RAB27A: variants seen among roughly 807,000 people sequenced by gnomAD.
RAB27A encodes the protein RAB27A, member RAS oncogene family.
Under a neutral mutation model 20.8 loss-of-function variants are expected in RAB27A, and 17 were observed. That is an observed-to-expected ratio of 0.82 (90% CI 0.56 to 1.23). RAB27A has a LOEUF of 1.23. Ranked by LOEUF, RAB27A falls within the 50% of genes most tolerant of loss-of-function variation. The pLI is 0.00. For synonymous variants in RAB27A, 85 were observed against 92.8 expected (o/e 0.92, Z 0.48); for missense variants, 277 against 266.7 (o/e 1.04, Z -0.27).
rs532287108 is a variant in RAB27A at position 55,301,328 on chromosome 15, A to G, written c.-112+12711T>C. The stretch of plus-strand genomic sequence containing the variant: ...AAAATGTCATTTAAAATGACAATTT[A>G]AAAAATAGATGGATTATAGACTACC... On this transcript the variant is annotated intron_variant, in intron 2 of 5. Transcript: ENST00000563262. 3.4e-4 allele frequency among the ~76,000 whole-genome samples: 52 copies of G among 152,312 alleles called. 1 individual carries two copies. The highest frequency in any genetic ancestry group is 1.3e-3 in the African/African-American group (52 of 41,584).
chr15:55,212,819 G>A (rs1265679814), intron 6 of RAB27A, among the ~76,000 whole-genome samples: 2 of 152,142 alleles, frequency 1.3e-5, no homozygotes, highest in African/African-American at 2.4e-5. Flanking sequence ...ATGAGCCACC[G>A]CACCCAGCCC....
At chr15:55,275,782 T>A (rs1038182562) in intron 1 of RAB27A, among the ~76,000 whole-genome samples, 38 of 152,016 alleles carry the variant, frequency 2.5e-4, no homozygotes, top group Middle Eastern at 6.8e-3. Flanking sequence ...AAGACCTGAA[T>A]AGACATTTTT....
At chr15:55,311,900 A>T (rs568796875) in intron 2 of RAB27A, among the ~76,000 whole-genome samples, 4 of 152,302 alleles carry the variant, frequency 2.6e-5, no homozygotes, top group Admixed American at 2.6e-4. Context: ...CCTTACTCCC[A>T]GAGCTCCCGA....
intron 2 of RAB27A, among the ~76,000 whole-genome samples, chr15:55,302,102 G>A (rs557702386): frequency 9.2e-5 from 14 of 151,730 alleles, no homozygotes; most frequent in East Asian, 2.0e-4. Flanking sequence ...GCTTGAACCC[G>A]GGAGGCAAAG....
chr15:55,280,174 T>G (rs746670186), intron 1 of RAB27A, among the ~76,000 whole-genome samples: 1 of 152,182 alleles, frequency 6.6e-6, no homozygotes, highest in Non-Finnish European at 1.5e-5. Context: ...AAACCAACAA[T>G]TTCCGAGGCT....
intron 2 of RAB27A, among the ~76,000 whole-genome samples, chr15:55,256,081 C>T (rs924537888): frequency 1.3e-5 from 2 of 152,016 alleles, no homozygotes; most frequent in Non-Finnish European, 1.5e-5. Context: ...CATGTAAGAT[C>T]GTTGTTTTAC....
chr15:55,273,078 T>C (rs1897753903), intron 1 of RAB27A, among the ~76,000 whole-genome samples: 1 of 152,134 alleles, frequency 6.6e-6, no homozygotes, highest in Admixed American at 6.5e-5. Flanking sequence ...CTATCGATAA[T>C]TACTTTAAAT....
chr15:55,292,367 A>G (rs1417601671), upstream of RAB27A, among the ~76,000 whole-genome samples: 1 of 152,250 alleles, frequency 6.6e-6, no homozygotes, highest in Non-Finnish European at 1.5e-5. Context: ...TAAGTGGCAC[A>G]GCCAGGCCTA....
chr15:55,287,835 T>C (rs1055057075), intron 1 of RAB27A, among the ~76,000 whole-genome samples: 1 of 151,886 alleles, frequency 6.6e-6, no homozygotes, highest in African/African-American at 2.4e-5. Flanking sequence ...GACTCACATA[T>C]CCTGATTTCA....
chr15:55,298,361 G>C (rs2054958588), intron 2 of RAB27A, among the ~76,000 whole-genome samples: 5 of 152,120 alleles, frequency 3.3e-5, no homozygotes, highest in African/African-American at 9.7e-5. Flanking sequence ...GCGACCGGGG[G>C]AGACATCACA....
chr15:55,209,882 G>GTATATACATATATACATATA lies in RAB27A; in HGVS notation c.468-4178_468-4177insTATATGTATATATGTATATA, dbSNP rs1404704383. ...TATATACATATATACATATATGTGTGTGTATACATATATACACATATGTGT... is the reference window on the plus strand; with the variant it reads ...TATATACATATATACATATATGTGTGTATATACATATATACATATATGTATACATATATACACATATGTGT... On this transcript the variant is annotated intron_variant, in intron 6 of 6. Transcript: ENST00000336787. Among the ~76,000 whole-genome samples, 25 of 86,148 alleles carry GTATATACATATATACATATA rather than the reference G, an allele frequency of 2.9e-4. 7 individuals carry two copies. The highest frequency in any genetic ancestry group is 1.9e-3 in the African/African-American group (25 of 13,330). 56.5% of individuals were successfully genotyped at this position (86,148 alleles called of 152,430 possible). A position where few individuals can be genotyped will look rare whatever the true frequency, so the allele number is the denominator to read the frequency against.
chr15:55,223,988 C>A lies in RAB27A; in HGVS notation c.368G>T (p.Cys123Phe). 1 of 1,594,450 alleles carries A rather than the reference C, an allele frequency of 6.3e-7. No individual in the cohort carries two copies. Among genetic ancestry groups the A allele is most frequent in the Non-Finnish European group, 8.6e-7 (1 of 1,162,264 alleles). Residue 123 changes from cysteine to phenylalanine, a missense_variant, in exon 6 of 7, where the codon TGT becomes TTT. Physicochemically the swap from Cys to Phe is radical, Grantham distance 205. Transcript: ENST00000336787. ...WISQLQMHAY[C>F]ENPDIVLCGN... ...ACACAGCACTATATCTGGGTTTTCA[C>A]AATATGCATGCATCTGTAGCTGGCC...
intron 2 of RAB27A, among the ~76,000 whole-genome samples, chr15:55,301,776 G>T (rs892092778): frequency 1.3e-5 from 2 of 151,010 alleles, no homozygotes; most frequent in Non-Finnish European, 2.9e-5. Context: ...GTCCTGAGTA[G>T]CTGGGACTAC....
intron 2 of RAB27A, among the ~76,000 whole-genome samples, chr15:55,268,444 T>C (rs1249160542): frequency 2.6e-5 from 4 of 152,308 alleles, no homozygotes; most frequent in African/African-American, 9.6e-5. Flanking sequence ...GAATATGAAG[T>C]CCTTCCACTC....
chr15:55,215,907 C>T (rs537082051), intron 6 of RAB27A, among the ~76,000 whole-genome samples: 2 of 138,684 alleles, frequency 1.4e-5, no homozygotes, highest in South Asian at 2.3e-4. Flanking sequence ...GATCGTGCTA[C>T]GGCACTCAAG....
intron 2 of RAB27A, among the ~76,000 whole-genome samples, chr15:55,240,296 T>C (rs1896429852): frequency 6.6e-6 from 1 of 152,088 alleles, no homozygotes; most frequent in Non-Finnish European, 1.5e-5. Context: ...CAAACAACGT[T>C]GTATGCTCAC....
rs370212915 is a variant in RAB27A at position 55,251,105 on chromosome 15, C to G, written c.-22-16149G>C. Among the ~76,000 whole-genome samples, 8 of 152,342 alleles carry G rather than the reference C, an allele frequency of 5.3e-5. No individual in the cohort carries two copies. In the East Asian group the frequency reaches 1.5e-3, roughly 29 times the overall value. ...TTGGCTTTGTCCCTAAACACTTCCT[C>G]TCTGCCTAACCACTTCAGTTGACAG... On this transcript the variant is annotated intron_variant, in intron 2 of 6. Coordinates refer to ENST00000336787, the MANE Select transcript of RAB27A (RefSeq NM_183235.3).
At chr15:55,307,409 T>C (rs1250879569) in intron 2 of RAB27A, among the ~76,000 whole-genome samples, 2 of 152,032 alleles carry the variant, frequency 1.3e-5, no homozygotes, top group African/African-American at 2.4e-5. Flanking sequence ...GTGGGTTTCC[T>C]GGGTTAGCTT....
intron 1 of RAB27A, among the ~76,000 whole-genome samples, chr15:55,270,555 T>C (rs985831941): frequency 6.6e-6 from 1 of 152,206 alleles, no homozygotes; most frequent in African/African-American, 2.4e-5. Flanking sequence ...TAGAAGACTC[T>C]GCACTTCAGC....
Sources: allele counts gnomAD v4.1 joint callset (sites outside exome capture counted in the v4.1 genomes callset), GRCh38; gene constraint gnomAD v4.1.1; transcripts MANE v1.5; gene names NCBI Gene and HGNC (gene_info 2026-07-23, HGNC 2026-07-21).